Variants in AATK observed in about 807,000 individuals in gnomAD.
The protein encoded by AATK is serine/threonine-protein kinase LMTK1.
In AATK, 91 loss-of-function variants were observed where a neutral mutation model predicts 114.3. The ratio of observed to expected loss-of-function variants is 0.80; its 90% CI spans 0.67 to 0.95. The LOEUF is 0.95. Ranked by LOEUF, AATK falls within the 40% of genes least tolerant of loss-of-function variation. The pLI is 0.00. For synonymous variants in AATK, 1,075 were observed against 916.5 expected (o/e 1.17, Z -3.12); for missense variants, 2,176 against 1,965.2 (o/e 1.11, Z -2.03).
Position 81,120,056 on chromosome 17 carries a change from G to A in AATK, c.3763C>T (p.Pro1255Ser), listed in dbSNP as rs894052552. The part of the protein sequence containing the change: ...QESPTRELGE[P>S]FPGAKESPPT... The stretch of plus-strand genomic sequence containing the variant: ...GGCGATTCCTTGGCGCCCGGGAAGG[G>A]CTCCCCGAGCTCCCGGGTGGGGCTT... The change falls in exon 12 of 14, where the codon CCC becomes TCC. Residue 1255 changes from proline to serine, a missense_variant. By Grantham distance (74) the Pro-to-Ser change is moderately conservative (BLOSUM62 -1). Coordinates refer to ENST00000326724, the MANE Select transcript of AATK (RefSeq NM_001080395.3). 6.9e-7 allele frequency: 1 copy of A among 1,456,684 alleles called. No individual in the cohort carries two copies. Among genetic ancestry groups the A allele is most frequent in the Non-Finnish European group, 9.1e-7 (1 of 1,101,978 alleles). 90.2% of individuals were successfully genotyped at this position (1,456,684 alleles called of 1,614,324 possible). A position where few individuals can be genotyped will look rare whatever the true frequency, so the allele number is the denominator to read the frequency against.
chr17:81,118,856 C>T (rs1015281433), intron 13 of AATK, among the ~76,000 whole-genome samples: 8 of 152,266 alleles, frequency 5.3e-5, no homozygotes, highest in Middle Eastern at 3.4e-3. Context: ...GGGCCTTCTC[C>T]GAGGAGGTGG....
At chr17:81,119,701 C>T in intron 12 of AATK, 121 bp from the exon 13 acceptor site, 1 of 774,574 alleles carries the variant, frequency 1.3e-6, no homozygotes. Context: ...GCCCCGCCTC[C>T]CATGATGTCA....
intron 7 of AATK, among the ~76,000 whole-genome samples, chr17:81,125,682 G>A (rs968994076): frequency 1.2e-4 from 18 of 152,088 alleles, no homozygotes; most frequent in African/African-American, 3.1e-4. Flanking sequence ...CACAGCTGCC[G>A]TATTACTTCT....
rs149384471 is a variant in AATK, at chr17:81,126,468, G to T, written c.714C>A (p.Ala238=). 1,760 of 1,558,646 alleles carry T rather than the reference G, an allele frequency of 1.1e-3. 13 individuals carry two copies. In the African/African-American group the frequency reaches 0.022, roughly 19 times the overall value. Residue 238 remains alanine (A), a synonymous_variant, in exon 7 of 14, where the codon GCC becomes GCA. Transcript: ENST00000326724. The surrounding 1 kb of genome is among the most constrained non-coding windows in gnomAD (Gnocchi z 5.1). ...TGCGATGAAGGTGCAGGACGCCACA[G>T]GCCACCTCACAGGCCATGCGCTGCA... ...RTLQRMACEV[A]CGVLHLHRNN... is the part of the protein sequence containing the mutation.
intron 1 of AATK, among the ~76,000 whole-genome samples, chr17:81,140,570 G>A (rs1209106810): frequency 6.6e-6 from 1 of 150,892 alleles, no homozygotes; most frequent in African/African-American, 2.4e-5. Flanking sequence ...AGGCAAGCCA[G>A]GGTCATCCCG....
intron 1 of AATK, among the ~76,000 whole-genome samples, chr17:81,160,981 C>T (rs1373933028): frequency 6.6e-6 from 1 of 152,230 alleles, no homozygotes; most frequent in Non-Finnish European, 1.5e-5. Context: ...TTCCTCCTCA[C>T]ACCCAGCCAA....
chr17:81,131,218 C>A lies in AATK; in HGVS notation c.190-13G>T. On this transcript the variant is annotated splice_polypyrimidine_tract_variant and intron_variant, in intron 2 of 13. Coordinates refer to ENST00000326724, the MANE Select transcript of AATK (RefSeq NM_001080395.3). ...CATTCTCAAACTCCTGCGGGCCGGG[C>A]CGGGCATGAGCGGGGCTTCTCGCAG... 1 of 1,564,880 alleles carries A rather than the reference C, an allele frequency of 6.4e-7. No individual in the cohort carries two copies. Among genetic ancestry groups the A allele is most frequent in the Non-Finnish European group, 8.6e-7 (1 of 1,159,550 alleles).
chr17:81,119,510 G>A lies in AATK; in HGVS notation c.3954C>T (p.Asp1318=), dbSNP rs774432984. ...TAKAAFAMAL[D]PAAPAPAAPT... is the part of the protein sequence containing the mutation. ...GCGCAGCCGGGGCGGGTGCGGCCGG[G>A]TCTAGGGCCATGGCGAAGGCTGCCT... Residue 1318 remains aspartate, a synonymous_variant, in exon 13 of 14, where the codon GAC becomes GAT. Transcript: ENST00000326724. 4.5e-6 allele frequency: 7 copies of A among 1,564,234 alleles called. No individual in the cohort carries two copies. Among genetic ancestry groups the A allele is most frequent in the Non-Finnish European group, 6.0e-6 (7 of 1,157,630 alleles).
At chr17:81,147,752 C>T (rs2061241323) in intron 1 of AATK, among the ~76,000 whole-genome samples, 1 of 152,052 alleles carries the variant, frequency 6.6e-6, no homozygotes, top group East Asian at 1.9e-4. Flanking sequence ...AAGACCCTGT[C>T]TCAAAGAAAA....
At chr17:81,133,858 C>T (rs2060971978) in intron 2 of AATK, among the ~76,000 whole-genome samples, 1 of 152,162 alleles carries the variant, frequency 6.6e-6, no homozygotes, top group Non-Finnish European at 1.5e-5. Context: ...TCGTCCCCTC[C>T]AGAAGGCAGA....
At chr17:81,162,625 C>G (rs573298511) in intron 1 of AATK, among the ~76,000 whole-genome samples, 40 of 152,256 alleles carry the variant, frequency 2.6e-4, no homozygotes, top group Admixed American at 5.2e-4. Flanking sequence ...CTCCTCTGCC[C>G]TCTCCCCATC....
At chr17:81,165,427 C>T in intron 1 of AATK, 1 of 328,172 alleles carries the variant, frequency 3.0e-6, no homozygotes, top group Non-Finnish European at 6.0e-6. Flanking sequence ...GAGCCTCTGC[C>T]CACTGGGCTC....
intron 1 of AATK, among the ~76,000 whole-genome samples, chr17:81,151,317 C>A (rs2061294027): frequency 6.7e-6 from 1 of 150,038 alleles, no homozygotes; most frequent in South Asian, 2.1e-4. Flanking sequence ...TGTCTCCCCC[C>A]TCACCCCTCC....
chr17:81,145,934 T>C (rs1456015764), intron 1 of AATK, among the ~76,000 whole-genome samples: 1 of 151,934 alleles, frequency 6.6e-6, no homozygotes, highest in Non-Finnish European at 1.5e-5. Context: ...ACACCCACAA[T>C]CCCAGCACTT....
At chr17:81,125,351 C>T (rs776070034) in intron 7 of AATK, 2 of 667,242 alleles carry the variant, frequency 3.0e-6, no homozygotes, top group Non-Finnish European at 5.8e-6. Context: ...CTCCAGGACC[C>T]TCTCCTCCTA....
chr17:81,131,583 C>CCA (rs1341492002), intron 2 of AATK, among the ~76,000 whole-genome samples: 2 of 152,154 alleles, frequency 1.3e-5, no homozygotes, highest in African/African-American at 2.4e-5. Context: ...AGGCTGAGCC[C>CCA]CACCTTGGGG....
chr17:81,149,712 TCTGCCCC>T (rs1455769430), intron 1 of AATK, among the ~76,000 whole-genome samples: 2 of 151,764 alleles, frequency 1.3e-5, no homozygotes, highest in African/African-American at 4.9e-5. Flanking sequence ...CCCCATGAGC[TCTGCCCC>T]CTGCTCACGC....
intron 13 of AATK, 144 bp downstream of exon 13, chr17:81,119,236 G>A (rs1173359273): frequency 8.9e-6 from 2 of 223,540 alleles, no homozygotes; most frequent in African/African-American, 8.5e-5. Flanking sequence ...GTCTGGGGCC[G>A]GGAAGGAGCG....
intron 1 of AATK, among the ~76,000 whole-genome samples, chr17:81,144,572 C>T (rs963089937): frequency 2.6e-5 from 4 of 152,264 alleles, no homozygotes; most frequent in Non-Finnish European, 5.9e-5. Flanking sequence ...CCTTGAGAGC[C>T]GCCCACCCAC....
Sources: gnomAD v4.1 joint callset for allele counts (sites outside exome capture counted in the v4.1 genomes callset) on GRCh38, gnomAD v4.1.1 for gene constraint, Gnocchi (gnomAD v3.1) non-coding constraint, MANE v1.5 for transcripts, NCBI Gene and HGNC (gene_info 2026-07-23, HGNC 2026-07-21) for gene names.